Variants in AS3MT observed in about 807,000 individuals in gnomAD.
AS3MT encodes S-adenosyl-L-methionine:arsenic(III) methyltransferase.
In AS3MT, 47 loss-of-function variants were observed where a neutral mutation model predicts 45.3. The ratio of observed to expected loss-of-function variants is 1.04; its 90% CI spans 0.82 to 1.32. The LOEUF (loss-of-function observed/expected upper bound fraction) is 1.32, where lower values mean the gene tolerates loss of function less well. Among genes scored for constraint, AS3MT ranks in the 40% most tolerant of loss-of-function variants. The pLI, the probability that AS3MT is intolerant of heterozygous loss-of-function variation, is 0.00. For missense variants in AS3MT, 396 were observed against 451.1 expected, an observed-to-expected ratio of 0.88 and a Z score of 1.11; for synonymous variants, 141 against 152.8, an observed-to-expected ratio of 0.92 and a Z score of 0.57.
intron 10 of AS3MT, among the ~76,000 whole-genome samples, chr10:102,895,878 C>T (rs994757789): frequency 5.3e-5 from 8 of 151,866 alleles, no homozygotes; most frequent in Non-Finnish European, 7.4e-5. Flanking sequence ...TGGGTTCAAG[C>T]GGTTCTCCTG....
At chr10:102,891,242 A>G (rs1413711386) in intron 10 of AS3MT, among the ~76,000 whole-genome samples, 2 of 152,074 alleles carry the variant, frequency 1.3e-5, no homozygotes, top group African/African-American at 4.8e-5. Flanking sequence ...TTTTCGAGAG[A>G]CAGTTAACAA....
intron 9 of AS3MT, 28 bp downstream of exon 9, chr10:102,879,019 G>A (rs768417929): frequency 2.5e-6 from 4 of 1,600,638 alleles, no homozygotes; most frequent in Non-Finnish European, 3.4e-6. Flanking sequence ...CATGACTTCT[G>A]GTATTCTTTC....
In AS3MT at chr10:102,869,687, C is replaced by T; in HGVS notation, c.1+94C>T. ...CGCGAGCGCCTCCCCCGAGCTGTGT[C>T]TCGAGACCTTTGTCCTCCCCTCACC... On this transcript the variant is annotated intron_variant, in intron 1 of 10. Coordinates refer to ENST00000369880, the MANE Select transcript of AS3MT (RefSeq NM_020682.4). 12 of 1,513,314 alleles carry T rather than the reference C, an allele frequency of 7.9e-6. No homozygotes were observed. In the South Asian group the frequency reaches 1.3e-4, roughly 17 times the overall value. 93.7% of individuals were successfully genotyped at this position (1,513,314 alleles called of 1,614,324 possible).
chr10:102,882,113 G>C (rs1379536372), intron 9 of AS3MT, among the ~76,000 whole-genome samples: 1 of 151,926 alleles, frequency 6.6e-6, no homozygotes, highest in East Asian at 1.9e-4. Flanking sequence ...CTAATTTTTT[G>C]TATTTTTAGT....
chr10:102,878,767 A>G, intron 8 of AS3MT, 82 bp from the exon 9 acceptor site: 1 of 1,503,216 alleles, frequency 6.7e-7, no homozygotes, highest in Non-Finnish European at 9.0e-7. Context: ...TCATCTTTAT[A>G]ACGTGTTTGC....
intron 1 of AS3MT, 79 bp from the exon 2 acceptor site, chr10:102,869,726 C>T (rs1844644279): frequency 3.1e-6 from 5 of 1,611,730 alleles, no homozygotes; most frequent in Non-Finnish European, 4.2e-6. Flanking sequence ...CGGCCCGCTG[C>T]CTGCCCTTTA....
chr10:102,892,666 CAT>C (rs1297598341), intron 10 of AS3MT, among the ~76,000 whole-genome samples: 1 of 152,022 alleles, frequency 6.6e-6, no homozygotes, highest in Non-Finnish European at 1.5e-5. Flanking sequence ...ATGCAGATAA[CAT>C]ATATATTTTT....
At chr10:102,878,753 A>G in intron 8 of AS3MT, 96 bp from the exon 9 acceptor site, 1 of 1,467,690 alleles carries the variant, frequency 6.8e-7, no homozygotes, top group Admixed American at 2.2e-5. Context: ...TGCAAGGAAG[A>G]AAATCATCTT....
intron 9 of AS3MT, 137 bp downstream of exon 9, chr10:102,879,128 T>G (rs1844834325): frequency 1.0e-6 from 1 of 980,622 alleles, no homozygotes. Context: ...TGTATGTGTG[T>G]GTTTCAAGTG....
chr10:102,874,567 C>A, intron 5 of AS3MT, 25 bp from the exon 6 acceptor site: 2 of 1,534,040 alleles, frequency 1.3e-6, no homozygotes, highest in South Asian at 2.3e-5. Flanking sequence ...AAGATTTGCT[C>A]GACATTTCAT....
chr10:102,870,247 A>G (rs1346171005), intron 3 of AS3MT, 36 bp downstream of exon 3: 2 of 1,611,480 alleles, frequency 1.2e-6, no homozygotes. Flanking sequence ...GAAGACCCCA[A>G]ACAGCAGTTT....
At chr10:102,870,305 C>T (rs1358599275) in intron 3 of AS3MT, 94 bp downstream of exon 3, 2 of 1,462,400 alleles carry the variant, frequency 1.4e-6, no homozygotes, top group African/African-American at 1.4e-5. Context: ...CCCGTAGCCA[C>T]CAACCCATCA....
chr10:102,897,590 C>T (rs112864938), intron 10 of AS3MT, among the ~76,000 whole-genome samples: 16 of 151,586 alleles, frequency 1.1e-4, no homozygotes, highest in African/African-American at 2.4e-4. Flanking sequence ...CTCAGCTTCC[C>T]GAGTAGCTGG....
intron 9 of AS3MT, among the ~76,000 whole-genome samples, chr10:102,879,294 G>C (rs561482703): frequency 1.3e-5 from 2 of 152,204 alleles, no homozygotes; most frequent in East Asian, 3.9e-4. Flanking sequence ...GAGTAGCTAG[G>C]ACTACAGACT....
chr10:102,877,670 C>A (rs368863497), intron 7 of AS3MT, among the ~76,000 whole-genome samples: 1 of 149,790 alleles, frequency 6.7e-6, no homozygotes, highest in Non-Finnish European at 1.5e-5. Context: ...CCTAGGAGTT[C>A]AGGTACAGCC....
chr10:102,890,571 G>T lies in AS3MT; in HGVS notation c.913G>T (p.Glu305Ter), dbSNP rs973756888. The T allele has an allele frequency of 5.6e-6, 9 of 1,603,506 alleles. No individual in the cohort carries two copies. The Admixed American group carries it at 1.6e-4, about 28-fold the overall frequency. The part of the protein sequence containing the change: ...KEGEIVEVDE[E>*]TAAILKNSRF... ...AGGTGAAATTGTTGAAGTGGATGAA[G>T]AAACAGCAGCTATCTTGAAGAATTC... The change falls in exon 10 of 11, where the codon GAA becomes TAA. Residue 305 changes from glutamate (E) to a stop codon, truncating the protein, a stop_gained. Transcript: ENST00000369880. LOFTEE classifies it high-confidence loss of function.
Position 102,880,560 on chromosome 10 carries a change from A to G in AS3MT, c.885+1569A>G, listed in dbSNP as rs140319588. On this transcript the variant is annotated intron_variant, in intron 9 of 10. Transcript: ENST00000369880. ...GAATTCTTAATTCTATTAGGAAAAAAAGCAACAAAAAAACCAGACCTCAAG... is the reference window on the plus strand; with the variant it reads ...GAATTCTTAATTCTATTAGGAAAAAGAGCAACAAAAAAACCAGACCTCAAG... 5.6e-3 allele frequency among the ~76,000 whole-genome samples: 851 copies of G among 152,274 alleles called. 7 individuals carry two copies. The highest frequency in any genetic ancestry group is 0.019 in the African/African-American group (804 of 41,558).
At position 102,890,639 on chromosome 10, in the gene AS3MT, G is replaced by A; in HGVS notation, c.981G>A (p.Lys327=). ...QDFLIRPIGE[K]LPTSGGCSAL... is the part of the protein sequence containing the mutation. The stretch of plus-strand genomic sequence containing the variant: ...TTCTGATCAGACCAATTGGAGAGAA[G>A]TTGCCAACATCTGGAGGCTGTTCTG... The change falls in exon 10 of 11, where the codon AAG becomes AAA. Residue 327 remains lysine, a synonymous_variant. Coordinates refer to ENST00000369880, the MANE Select transcript of AS3MT (RefSeq NM_020682.4). 1 of 1,613,668 alleles carries A rather than the reference G, an allele frequency of 6.2e-7. No individual in the cohort carries two copies. The highest frequency in any genetic ancestry group is 8.5e-7 in the Non-Finnish European group (1 of 1,179,842).
intron 7 of AS3MT, among the ~76,000 whole-genome samples, chr10:102,877,745 CTTCTT>C (rs1394546346): frequency 3.5e-5 from 4 of 114,496 alleles, no homozygotes; most frequent in African/African-American, 1.3e-4. Flanking sequence ...CCAGTGATAA[CTTCTT>C]TTTTTTTTTT....
Sources: allele counts gnomAD v4.1 joint callset (sites outside exome capture counted in the v4.1 genomes callset), GRCh38; gene constraint gnomAD v4.1.1; transcripts MANE v1.5; gene names NCBI Gene and HGNC (gene_info 2026-07-23, HGNC 2026-07-21).